ULK2: variants seen among roughly 807,000 people sequenced by gnomAD.
ULK2 encodes the protein unc-51 like autophagy activating kinase 2, also known as serine/threonine-protein kinase ULK2.
ULK2 carries 76 observed loss-of-function variants against 127.5 expected under a neutral mutation model. The ratio of observed to expected loss-of-function variants is 0.60; its 90% CI spans 0.50 to 0.72. The LOEUF (loss-of-function observed/expected upper bound fraction) is 0.72, where lower values mean the gene tolerates loss of function less well. ULK2 is among the 30% of genes least tolerant of loss of function. ULK2 has a pLI of 0.00. For synonymous variants in ULK2, 452 were observed against 461.9 expected (o/e 0.98, Z 0.28); for missense variants, 1,144 against 1,295.9 (o/e 0.88, Z 1.80).
intron 13 of ULK2, chr17:19,810,865 A>G (rs941363763): frequency 2.0e-5 from 3 of 153,512 alleles, no homozygotes; most frequent in African/African-American, 7.2e-5. Context: ...ATAATAGAAG[A>G]ACTGACCATA....
At chr17:19,802,978 A>G (rs2087432792) in intron 15 of ULK2, among the ~76,000 whole-genome samples, 1 of 152,224 alleles carries the variant, frequency 6.6e-6, no homozygotes, top group Non-Finnish European at 1.5e-5. Flanking sequence ...ATTTTAAAAG[A>G]AACACCTGTC....
At chr17:19,784,168 T>C in intron 21 of ULK2, 1 of 293,330 alleles carries the variant, frequency 3.4e-6, no homozygotes, top group Non-Finnish European at 6.2e-6. Context: ...TTAGATCATA[T>C]TCATTTCTCC....
At chr17:19,779,474 G>A (rs1366726274) in intron 25 of ULK2, among the ~76,000 whole-genome samples, 1 of 140,018 alleles carries the variant, frequency 7.1e-6, no homozygotes, top group Non-Finnish European at 1.5e-5. Flanking sequence ...AGAGGTTGCA[G>A]TGAGCCAAGA....
intron 10 of ULK2, 56 bp from the exon 11 acceptor site, chr17:19,826,242 C>T: frequency 8.7e-7 from 1 of 1,146,394 alleles, no homozygotes; most frequent in Non-Finnish European, 1.2e-6. Context: ...AACTATCAAC[C>T]AGGTTATTTT....
In ULK2 at chr17:19,810,547, T is replaced by C. The variant is rs1397394914; in HGVS notation, c.1097-109A>G. The C allele has an allele frequency of 8.0e-6, 5 of 624,700 alleles. No homozygotes were observed. The Admixed American group carries it at 8.5e-5, about 11-fold the overall frequency. 38.7% of individuals were successfully genotyped at this position (624,700 alleles called of 1,614,324 possible). A position where few individuals can be genotyped will look rare whatever the true frequency, so the allele number is the denominator to read the frequency against. On this transcript the variant is annotated intron_variant, in intron 13 of 26. Coordinates refer to ENST00000395544, the MANE Select transcript of ULK2 (RefSeq NM_014683.4). ...TTTCATGCACGATGCAAAATTACCA[T>C]TGGCTTATGTTATGATTTCATGTAT...
chr17:19,800,384 T>C (rs1392062380), intron 16 of ULK2, among the ~76,000 whole-genome samples: 1 of 152,168 alleles, frequency 6.6e-6, no homozygotes, highest in African/African-American at 2.4e-5. Flanking sequence ...GAGGGCTCAT[T>C]CCAAGGGATT....
At position 19,797,752 on chromosome 17, in the gene ULK2, A is replaced by C. The variant is rs142489692; in HGVS notation, c.1523-70T>G. On this transcript the variant is annotated intron_variant, in intron 17 of 26. Transcript: ENST00000395544. ...CAGTGCAAAAATGTAAAAATTAAGA[A>C]GACAATTTTTAAAATGAGAATTCTG... 6.6e-5 allele frequency: 86 copies of C among 1,298,836 alleles called. No homozygotes were observed. In the African/African-American group the frequency reaches 1.1e-3, roughly 16 times the overall value. 80.5% of individuals were successfully genotyped at this position (1,298,836 alleles called of 1,614,324 possible).
chr17:19,804,730 T>C lies in ULK2; in HGVS notation c.1258A>G (p.Thr420Ala). ...TGTACATTTGTGCCTGAGCTGGCAG[T>C]AGATGTAAGATTCTGCTCTATGCGC... ...YQRIEQNLTS[T>A]ASSGTNVHGS... Residue 420 changes from threonine to alanine, a missense_variant, in exon 15 of 27, where the codon ACT (threonine) becomes GCT (alanine). Transcript: ENST00000395544. 1 of 1,609,430 alleles carries C rather than the reference T, an allele frequency of 6.2e-7. No homozygotes were observed. The highest frequency in any genetic ancestry group is 8.5e-7 in the Non-Finnish European group (1 of 1,177,394).
chr17:19,840,212 C>A, intron 9 of ULK2: 1 of 499,100 alleles, frequency 2.0e-6, no homozygotes, highest in Admixed American at 2.2e-5. Flanking sequence ...CTCCGGACAC[C>A]CGACGGGCGC....
At chr17:19,825,453 T>C (rs1009090087) in intron 11 of ULK2, among the ~76,000 whole-genome samples, 1 of 152,202 alleles carries the variant, frequency 6.6e-6, no homozygotes, top group African/African-American at 2.4e-5. Context: ...CTCACTCCTA[T>C]AATCCCAACA....
chr17:19,845,938 G>A (rs2041869773), intron 6 of ULK2, among the ~76,000 whole-genome samples: 1 of 151,766 alleles, frequency 6.6e-6, no homozygotes, highest in African/African-American at 2.4e-5. Context: ...GTGAAACCCT[G>A]TCTCTACTGA....
Sources: allele counts gnomAD v4.1 joint callset (sites outside exome capture counted in the v4.1 genomes callset), GRCh38; gene constraint gnomAD v4.1.1; transcripts MANE v1.5; gene names NCBI Gene and HGNC (gene_info 2026-07-23, HGNC 2026-07-21).